The following TENM2 variants were observed in gnomAD, a reference collection of about 807,000 sequenced individuals.
TENM2 encodes teneurin-2.
In TENM2, 52 loss-of-function variants were observed where a neutral mutation model predicts 245.2. The observed-to-expected ratio is 0.21, with a 90% CI of 0.17 to 0.27. TENM2 has a LOEUF of 0.27. Among genes scored for constraint, TENM2 ranks in the 10% least tolerant of loss-of-function variants. The probability of loss-of-function intolerance (pLI) is 1.00; values close to 1 mark genes in which losing one functional copy is unlikely to be tolerated. For synonymous variants in TENM2, 1,363 were observed against 1,438.9 expected, an observed-to-expected ratio of 0.95 and a Z score of 1.19; for missense variants, 3,046 against 3,666.8, an observed-to-expected ratio of 0.83 and a Z score of 4.37.
At chr5:168,166,189 T>C (rs1017422026) in intron 13 of TENM2, among the ~76,000 whole-genome samples, 1 of 152,056 alleles carries the variant, frequency 6.6e-6, no homozygotes. Flanking sequence ...AACCTGGCAG[T>C]GGGTCAGAGA....
the TENM2 span, among the ~76,000 whole-genome samples, chr5:167,143,701 TGG>T: frequency 6.6e-6 from 1 of 152,200 alleles, no homozygotes; most frequent in Non-Finnish European, 1.5e-5. Flanking sequence ...TGTCAGATGA[TGG>T]GAGCTTTACA....
chr5:167,313,107 T>C (rs916767639), intron 1 of TENM2, among the ~76,000 whole-genome samples: 3 of 152,142 alleles, frequency 2.0e-5, no homozygotes, highest in African/African-American at 7.2e-5. Flanking sequence ...TTCGACAAGT[T>C]GGCCAGGCTG....
chr5:167,121,431 T>C, the TENM2 span, among the ~76,000 whole-genome samples: 1 of 152,156 alleles, frequency 6.6e-6, no homozygotes, highest in African/African-American at 2.4e-5. Flanking sequence ...TGCACCAGGC[T>C]GTGTGAGTGG....
chr5:167,907,708 G>T (rs558238972), intron 3 of TENM2, among the ~76,000 whole-genome samples: 121 of 150,330 alleles, frequency 8.0e-4, no homozygotes, highest in African/African-American at 2.8e-3. Flanking sequence ...TTCAAGAACT[G>T]CCTGGGAAAC....
In TENM2 at chr5:167,769,700, A is replaced by G. The variant is rs189987520; in HGVS notation, c.503-106286A>G. Among the ~76,000 whole-genome samples the G allele has an allele frequency of 1.6e-3, 237 of 152,230 alleles. 2 individuals are homozygous for G. The highest frequency in any genetic ancestry group is 5.4e-3 in the African/African-American group (223 of 41,546). On this transcript the variant is annotated intron_variant, in intron 2 of 28. Coordinates refer to ENST00000518659, the Ensembl canonical transcript of TENM2. ...ATTTTTTTTCTATACTATGTCTGCA[A>G]ATCAACACTCCTGGGCTCAATTAAA...
At chr5:168,009,931 C>G (rs1045705694) in intron 5 of TENM2, among the ~76,000 whole-genome samples, 4 of 152,138 alleles carry the variant, frequency 2.6e-5, no homozygotes, top group Non-Finnish European at 5.9e-5. Context: ...CATTTCTAAG[C>G]TCAGTTAGGT....
intron 2 of TENM2, among the ~76,000 whole-genome samples, chr5:167,460,284 T>A (rs1766213894): frequency 6.6e-6 from 1 of 152,196 alleles, no homozygotes. Context: ...TGTATAGCAT[T>A]ATGTATTACA....
intron 3 of TENM2, among the ~76,000 whole-genome samples, chr5:167,945,204 C>T (rs1485179278): frequency 6.6e-6 from 1 of 152,116 alleles, no homozygotes; most frequent in Non-Finnish European, 1.5e-5. Flanking sequence ...GTGAGACAGA[C>T]TGTTTTTAAT....
At chr5:167,098,753 C>T in the TENM2 span, among the ~76,000 whole-genome samples, 1 of 152,286 alleles carries the variant, frequency 6.6e-6, no homozygotes, top group Admixed American at 6.5e-5. Context: ...GGAGGTTATT[C>T]AATCAATAGA....
intron 2 of TENM2, among the ~76,000 whole-genome samples, chr5:167,830,959 C>A (rs1768420645): frequency 6.6e-6 from 1 of 152,100 alleles, no homozygotes; most frequent in African/African-American, 2.4e-5. Context: ...TGTGTTGTTT[C>A]CAGCTTTTTA....
chr5:167,372,927 G>C (rs1760521849), intron 1 of TENM2, among the ~76,000 whole-genome samples: 1 of 152,152 alleles, frequency 6.6e-6, no homozygotes, highest in Non-Finnish European at 1.5e-5. Context: ...ACAGTACCAA[G>C]GATGCAAACT....
chr5:167,013,122 T>C, the TENM2 span, among the ~76,000 whole-genome samples: 3 of 152,280 alleles, frequency 2.0e-5, no homozygotes, highest in Admixed American at 6.5e-5. Flanking sequence ...AGGGAAGATA[T>C]CATTGTAACT....
At chr5:168,180,670 T>A (rs1331634579) in intron 13 of TENM2, among the ~76,000 whole-genome samples, 2 of 152,100 alleles carry the variant, frequency 1.3e-5, no homozygotes, top group African/African-American at 4.8e-5. Context: ...CCAAGGCGGG[T>A]GAATCACCTG....
chr5:167,061,098 A>ACACG, the TENM2 span, among the ~76,000 whole-genome samples: 1 of 29,584 alleles, frequency 3.4e-5, no homozygotes, highest in African/African-American at 9.5e-4. Context: ...CAAAACACAC[A>ACACG]CACACACACA....
At chr5:167,433,733 A>G (rs1343138930) in intron 2 of TENM2, among the ~76,000 whole-genome samples, 5 of 152,066 alleles carry the variant, frequency 3.3e-5, no homozygotes, top group Non-Finnish European at 5.9e-5. Context: ...ATATGGTATA[A>G]ATATTTACAT....
At chr5:168,248,226 T>C (rs1375545700) in exon 27 of TENM2, 1 of 1,614,028 alleles carries the variant, frequency 6.2e-7, no homozygotes, top group Admixed American at 1.7e-5. Context: ...CTCAGCGTGA[T>C]TATGATGTGC....
chr5:167,882,743 G>A (rs966947293), intron 3 of TENM2, among the ~76,000 whole-genome samples: 8 of 152,162 alleles, frequency 5.3e-5, no homozygotes, highest in African/African-American at 1.9e-4. Flanking sequence ...AAACTGCCCA[G>A]TGATCCAATT....
intron 2 of TENM2, among the ~76,000 whole-genome samples, chr5:167,867,458 C>G (rs2909799): frequency 0.18 from 27,272 of 152,022 alleles, 4,469 homozygotes; most frequent in African/African-American, 0.44. Flanking sequence ...TAACTGGGGC[C>G]GGTCCAACAG....
chr5:167,989,206 T>C (rs1237843936), intron 4 of TENM2, among the ~76,000 whole-genome samples: 5 of 151,646 alleles, frequency 3.3e-5, no homozygotes, highest in Non-Finnish European at 2.9e-5. Context: ...TATAACTGTA[T>C]CATGGGAGAA....
Sources: gnomAD v4.1 joint callset for allele counts (sites outside exome capture counted in the v4.1 genomes callset) on GRCh38, gnomAD v4.1.1 for gene constraint, MANE v1.5 for transcripts, NCBI Gene and HGNC (gene_info 2026-07-23, HGNC 2026-07-21) for gene names.